CLSTN2: variants seen among roughly 807,000 people sequenced by gnomAD.
The protein encoded by CLSTN2 is calsyntenin-2.
Under a neutral mutation model 101.2 loss-of-function variants are expected in CLSTN2, and 48 were observed. The ratio of observed to expected loss-of-function variants is 0.47; its 90% CI spans 0.38 to 0.60. CLSTN2 has a LOEUF of 0.60. Ranked by LOEUF, CLSTN2 falls within the 20% of genes least tolerant of loss-of-function variation. The pLI, the probability that CLSTN2 is intolerant of heterozygous loss-of-function variation, is 0.00. For missense variants in CLSTN2, 1,160 were observed against 1,238.2 expected, an observed-to-expected ratio of 0.94 and a Z score of 0.95; for synonymous variants, 481 against 463.6, an observed-to-expected ratio of 1.04 and a Z score of -0.48.
At chr3:140,278,833 C>A (rs561201630) in intron 2 of CLSTN2, among the ~76,000 whole-genome samples, 40 of 152,290 alleles carry the variant, frequency 2.6e-4, no homozygotes, top group African/African-American at 9.4e-4. Context: ...GATCTTCCCA[C>A]CTCATCCTTC....
intron 1 of CLSTN2, among the ~76,000 whole-genome samples, chr3:140,131,917 G>A (rs961229885): frequency 5.3e-5 from 8 of 151,994 alleles, no homozygotes; most frequent in African/African-American, 9.7e-5. Flanking sequence ...CTGGCAGATG[G>A]GGAATTAATG....
At position 140,352,981 on chromosome 3, in the gene CLSTN2, G is replaced by A. The variant is rs572334165; in HGVS notation, c.233-50648G>A. Among the ~76,000 whole-genome samples the A allele has an allele frequency of 1.6e-3, 243 of 152,216 alleles. 2 individuals carry two copies. The highest frequency in any genetic ancestry group is 2.3e-3 in the Non-Finnish European group (158 of 68,006). On this transcript the variant is annotated intron_variant, in intron 2 of 16. Transcript: ENST00000458420. ...AAAATTATATCTGTACTGAACCTGT[G>A]TAAACTGTTTTTCTTGTCATTATTC... is the stretch of plus-strand genomic sequence containing the variant.
chr3:140,114,277 T>G (rs1368781032), intron 1 of CLSTN2, among the ~76,000 whole-genome samples: 1 of 152,224 alleles, frequency 6.6e-6, no homozygotes. Context: ...CTTTTTGTGC[T>G]TTGCATATGT....
At chr3:140,546,863 T>C (rs1396599783) in intron 10 of CLSTN2, among the ~76,000 whole-genome samples, 182 bp downstream of exon 10, 1 of 152,148 alleles carries the variant, frequency 6.6e-6, no homozygotes, top group Admixed American at 6.5e-5. Flanking sequence ...ACTTCCACAA[T>C]GGGCTTCTGC....
At chr3:140,264,377 T>C (rs1168018815) in intron 2 of CLSTN2, among the ~76,000 whole-genome samples, 1 of 1,472 alleles carries the variant, frequency 6.8e-4, no homozygotes, top group Non-Finnish European at 1.5e-3. Context: ...ATGAATCAAA[T>C]ATATATATAT....
intron 2 of CLSTN2, among the ~76,000 whole-genome samples, chr3:140,207,688 C>T (rs2010801663): frequency 6.6e-6 from 1 of 152,024 alleles, no homozygotes; most frequent in Non-Finnish European, 1.5e-5. Flanking sequence ...CATCTTGATG[C>T]ACTTGTTTGA....
intron 2 of CLSTN2, among the ~76,000 whole-genome samples, chr3:140,226,055 G>A (rs764922201): frequency 3.9e-5 from 6 of 152,174 alleles, no homozygotes; most frequent in Non-Finnish European, 7.3e-5. Flanking sequence ...GGAATTAACT[G>A]TTGATATATA....
intron 1 of CLSTN2, among the ~76,000 whole-genome samples, chr3:139,952,924 C>T (rs1935317836): frequency 6.6e-6 from 1 of 152,118 alleles, no homozygotes; most frequent in African/African-American, 2.4e-5. Flanking sequence ...CCTCCCTTCA[C>T]CAAGGGTGGT....
At chr3:140,215,889 T>A (rs2010914498) in intron 2 of CLSTN2, among the ~76,000 whole-genome samples, 1 of 152,226 alleles carries the variant, frequency 6.6e-6, no homozygotes, top group Non-Finnish European at 1.5e-5. Context: ...GTTTGGGTTT[T>A]GTTAAGAAAG....
At chr3:140,323,738 A>G (rs1279288782) in intron 2 of CLSTN2, among the ~76,000 whole-genome samples, 4 of 152,226 alleles carry the variant, frequency 2.6e-5, no homozygotes, top group Non-Finnish European at 5.9e-5. Context: ...TTCAGCTGCA[A>G]TTAACAAAGT....
intron 5 of CLSTN2, among the ~76,000 whole-genome samples, chr3:140,428,030 G>A (rs79399100): frequency 0.035 from 5,400 of 152,294 alleles, 154 homozygotes; most frequent in Non-Finnish European, 0.059. Context: ...CAGGGTGAGG[G>A]TGGCAGTAAC....
intron 1 of CLSTN2, among the ~76,000 whole-genome samples, chr3:140,025,593 G>A (rs1312618119): frequency 6.6e-6 from 1 of 152,180 alleles, no homozygotes; most frequent in African/African-American, 2.4e-5. Flanking sequence ...GACAGATGAT[G>A]AGGAGGGAGT....
intron 2 of CLSTN2, among the ~76,000 whole-genome samples, chr3:140,370,681 G>A (rs1196130686): frequency 6.6e-6 from 1 of 152,098 alleles, no homozygotes; most frequent in Non-Finnish European, 1.5e-5. Context: ...AGCTTAAGTG[G>A]GAAATACACA....
intron 2 of CLSTN2, among the ~76,000 whole-genome samples, chr3:140,294,854 G>A (rs2086988215): frequency 6.6e-6 from 1 of 152,200 alleles, no homozygotes; most frequent in Admixed American, 6.5e-5. Context: ...ACTCTTCCAT[G>A]TTGCAGACTG....
intron 1 of CLSTN2, among the ~76,000 whole-genome samples, chr3:140,048,575 A>C (rs948088177): frequency 5.3e-5 from 8 of 152,210 alleles, no homozygotes; most frequent in Non-Finnish European, 1.2e-4. Context: ...TATTCTTACT[A>C]TCATCACCAT....
chr3:139,979,564 T>A (rs1935880995), intron 1 of CLSTN2, among the ~76,000 whole-genome samples: 1 of 152,116 alleles, frequency 6.6e-6, no homozygotes, highest in Admixed American at 6.5e-5. Flanking sequence ...AAAAATTAAG[T>A]CCAGGTTCCT....
chr3:140,149,244 G>A (rs113246450), intron 1 of CLSTN2, among the ~76,000 whole-genome samples: 9,370 of 152,178 alleles, frequency 0.062, 780 homozygotes, highest in African/African-American at 0.19. Flanking sequence ...TACTCCTACA[G>A]GGGTGTCAGC....
chr3:140,311,424 G>T (rs925596811), intron 2 of CLSTN2, among the ~76,000 whole-genome samples: 3 of 143,590 alleles, frequency 2.1e-5, no homozygotes, highest in Non-Finnish European at 4.5e-5. Context: ...TCCTGCCTCA[G>T]CCTCCCTAGT....
At chr3:140,331,156 A>C (rs755547357) in intron 2 of CLSTN2, among the ~76,000 whole-genome samples, 2 of 152,182 alleles carry the variant, frequency 1.3e-5, no homozygotes, top group Non-Finnish European at 2.9e-5. Flanking sequence ...TTGCTGATGC[A>C]AGTCCCAGAG....
Sources: allele counts gnomAD v4.1 joint callset (sites outside exome capture counted in the v4.1 genomes callset), GRCh38; gene constraint gnomAD v4.1.1; transcripts MANE v1.5; gene names NCBI Gene and HGNC (gene_info 2026-07-23, HGNC 2026-07-21).